PRKCH: variants seen among roughly 807,000 people sequenced by gnomAD.
PRKCH encodes the protein protein kinase C eta.
A neutral mutation model predicts 82.5 loss-of-function variants in PRKCH; 28 were observed. That is an observed-to-expected ratio of 0.34 (90% CI 0.25 to 0.47). The LOEUF (loss-of-function observed/expected upper bound fraction) is 0.47, where lower values mean the gene tolerates loss of function less well. Ranked by LOEUF, PRKCH falls within the 20% of genes least tolerant of loss-of-function variation. The pLI is 1.00. For synonymous variants in PRKCH, 322 were observed against 327.4 expected, an observed-to-expected ratio of 0.98 and a Z score of 0.18; for missense variants, 705 against 881.8, an observed-to-expected ratio of 0.80 and a Z score of 2.54.
At chr14:61,191,897 C>A (rs373307917) in intron 1 of PRKCH, among the ~76,000 whole-genome samples, 6 of 152,144 alleles carry the variant, frequency 3.9e-5, no homozygotes, top group Non-Finnish European at 7.4e-5. Context: ...CAAGCTCATA[C>A]GTATTCCAGA....
chr14:61,222,377 A>G (rs1254977589), intron 1 of PRKCH, among the ~76,000 whole-genome samples: 2 of 135,532 alleles, frequency 1.5e-5, no homozygotes, highest in African/African-American at 5.5e-5. Flanking sequence ...TCAGAGAAGC[A>G]TTTTTATTGG....
At chr14:61,391,045 C>A (rs2046671528) in intron 1 of PRKCH, among the ~76,000 whole-genome samples, 180 bp from the exon 2 acceptor site, 1 of 152,116 alleles carries the variant, frequency 6.6e-6, no homozygotes, top group African/African-American at 2.4e-5. Context: ...TCTTTTCAGT[C>A]TTTACAGTTT....
At chr14:61,211,151 C>A (rs1363308662) in intron 1 of PRKCH, among the ~76,000 whole-genome samples, 12 of 152,130 alleles carry the variant, frequency 7.9e-5, no homozygotes, top group Admixed American at 3.3e-4. Flanking sequence ...GAAGCTGGTG[C>A]CCTTTGCCAG....
intron 1 of PRKCH, chr14:61,327,198 C>T (rs1022348897): frequency 4.5e-6 from 2 of 444,070 alleles, no homozygotes; most frequent in African/African-American, 4.0e-5. Context: ...GTTTTGTAAT[C>T]AGTCCTGTCA....
chr14:61,298,527 A>G (rs1338466119), intron 1 of PRKCH: 1 of 152,126 alleles, frequency 6.6e-6, no homozygotes, highest in Non-Finnish European at 1.5e-5. Context: ...CTACAACATG[A>G]TAGAGAAAAC....
chr14:61,441,228 T>A (rs951452022), intron 2 of PRKCH, among the ~76,000 whole-genome samples: 2 of 152,184 alleles, frequency 1.3e-5, no homozygotes, highest in African/African-American at 4.8e-5. Context: ...AATGCTGCGA[T>A]GTGCCTAGCT....
chr14:61,528,306 A>G (rs1169354857), intron 10 of PRKCH, among the ~76,000 whole-genome samples: 3 of 151,446 alleles, frequency 2.0e-5, no homozygotes, highest in Admixed American at 6.6e-5. Flanking sequence ...TAATCCTCCC[A>G]CCTCAGCCTC....
intron 1 of PRKCH, among the ~76,000 whole-genome samples, chr14:61,273,658 C>T (rs538092422): frequency 2.6e-5 from 4 of 152,288 alleles, no homozygotes; most frequent in South Asian, 2.1e-4. Context: ...CCTGATTGTA[C>T]GTTTAAGTTA....
At chr14:61,488,444 G>A (rs1299897377) in intron 10 of PRKCH, among the ~76,000 whole-genome samples, 2 of 152,148 alleles carry the variant, frequency 1.3e-5, no homozygotes, top group Admixed American at 6.5e-5. Context: ...ACACTGTTCC[G>A]ATGAATAATT....
At chr14:61,339,094 CTCACCTA>C (rs909737150) in intron 1 of PRKCH, among the ~76,000 whole-genome samples, 2 of 152,006 alleles carry the variant, frequency 1.3e-5, no homozygotes, top group African/African-American at 4.8e-5. Context: ...TTTTAAGCCC[CTCACCTA>C]TCACCTACTC....
At chr14:61,251,848 T>A (rs1424887024) in intron 1 of PRKCH, among the ~76,000 whole-genome samples, 3 of 151,880 alleles carry the variant, frequency 2.0e-5, no homozygotes, top group Admixed American at 1.3e-4. Flanking sequence ...TTTTTTTTTT[T>A]ATTTGTTTTG....
At chr14:61,416,964 T>A (rs1882591919) in intron 2 of PRKCH, among the ~76,000 whole-genome samples, 1 of 152,172 alleles carries the variant, frequency 6.6e-6, no homozygotes, top group Admixed American at 6.5e-5. Flanking sequence ...GCCTTTGTCC[T>A]CAGGTGAAAT....
chr14:61,466,119 A>G (rs1404642607), intron 9 of PRKCH, among the ~76,000 whole-genome samples: 1 of 152,182 alleles, frequency 6.6e-6, no homozygotes, highest in Non-Finnish European at 1.5e-5. Flanking sequence ...AGCCTCAAAA[A>G]AGACTGCCAG....
At chr14:61,249,200 A>C (rs1051719846) in intron 1 of PRKCH, among the ~76,000 whole-genome samples, 10 of 152,178 alleles carry the variant, frequency 6.6e-5, no homozygotes, top group African/African-American at 2.4e-4. Flanking sequence ...TAGATAAACC[A>C]CTTATAAAAC....
chr14:61,467,513 C>T (rs1885313320), intron 9 of PRKCH, among the ~76,000 whole-genome samples: 2 of 152,238 alleles, frequency 1.3e-5, no homozygotes, highest in Non-Finnish European at 1.5e-5. Flanking sequence ...TCAGACCCTA[C>T]AGTGGCATTA....
rs1007676440 is a variant in PRKCH, at chr14:61,435,367, C to G, written c.428-7744C>G. On this transcript the variant is annotated intron_variant, in intron 2 of 13. Transcript: ENST00000332981. ...GGATAAGCAAAGCAAGAGAGGAGAT[C>G]TGAAGACGTCTCTAAGGTTGTTTGA... is the stretch of plus-strand genomic sequence containing the variant. Among the ~76,000 whole-genome samples, 14 of 152,306 alleles carry G rather than the reference C, an allele frequency of 9.2e-5. 2 individuals are homozygous for G. The highest frequency in any genetic ancestry group is 2.0e-4 in the Admixed American group (3 of 15,308).
rs1883164080 is a variant in PRKCH, at chr14:61,427,426, T to C, written c.428-15685T>C. 2.6e-5 allele frequency among the ~76,000 whole-genome samples: 4 copies of C among 152,246 alleles called. No individual in the cohort carries two copies. The South Asian group carries it at 6.2e-4, about 24-fold the overall frequency. On this transcript the variant is annotated intron_variant, in intron 2 of 13. Transcript: ENST00000332981. ...TGCTAGACTCAACAGTTAATCTCTT[T>C]AGGATTGGGAGGACCTGGAAGAGGA...
At position 61,445,897 on chromosome 14, in the gene PRKCH, T is replaced by C. The variant is rs547110736; in HGVS notation, c.613+171T>C. ...CTTTAGTTTGGTGAGATCTTGGCCA[T>C]ATTTTAGACAATGTAAAGGGGACGT... On this transcript the variant is annotated intron_variant, in intron 4 of 13. Transcript: ENST00000332981. Among the ~76,000 whole-genome samples, 110 of 152,300 alleles carry C rather than the reference T, an allele frequency of 7.2e-4. 1 individual carries two copies. The highest frequency in any genetic ancestry group is 6.5e-4 in the Admixed American group (10 of 15,288).
intron 1 of PRKCH, among the ~76,000 whole-genome samples, chr14:61,272,412 G>T (rs1263933014): frequency 1.6e-5 from 2 of 126,334 alleles, no homozygotes; most frequent in Admixed American, 9.7e-5. Context: ...AGCATGCAGT[G>T]GCACGGTCTA....
Sources: allele counts gnomAD v4.1 joint callset (sites outside exome capture counted in the v4.1 genomes callset), GRCh38; gene constraint gnomAD v4.1.1; transcripts MANE v1.5; gene names NCBI Gene and HGNC (gene_info 2026-07-23, HGNC 2026-07-21).